The following CPNE4 variants were observed in gnomAD, a reference collection of about 807,000 sequenced individuals.
CPNE4 encodes the protein copine-4.
A neutral mutation model predicts 67.9 loss-of-function variants in CPNE4; 25 were observed. The observed-to-expected ratio is 0.37, with a 90% confidence interval of 0.27 to 0.51. The LOEUF is 0.51. Among genes scored for constraint, CPNE4 ranks in the 20% least tolerant of loss-of-function variants. The probability of loss-of-function intolerance (pLI) is 0.93; values close to 1 mark genes in which losing one functional copy is unlikely to be tolerated. For missense variants in CPNE4, 464 were observed against 690.8 expected (o/e 0.67, Z 3.68); for synonymous variants, 242 against 244.9 (o/e 0.99, Z 0.11).
chr3:131,756,237 A>G (rs1021084562), intron 2 of CPNE4, among the ~76,000 whole-genome samples: 1 of 152,244 alleles, frequency 6.6e-6, no homozygotes, highest in African/African-American at 2.4e-5. Flanking sequence ...ATTAACAGCT[A>G]GATACTTCAC....
At chr3:131,952,338 T>A in intron 1 of CPNE4, among the ~76,000 whole-genome samples, 1 of 149,012 alleles carries the variant, frequency 6.7e-6, no homozygotes, top group African/African-American at 2.5e-5. Context: ...AACCACCCCG[T>A]CTGAGAAGTG....
At chr3:131,703,888 T>C (rs192019921) in intron 3 of CPNE4, among the ~76,000 whole-genome samples, 1 of 152,292 alleles carries the variant, frequency 6.6e-6, no homozygotes, top group Admixed American at 6.5e-5. Flanking sequence ...CCCCAAAACA[T>C]GCATTATAGA....
At chr3:132,010,614 C>G (rs999744082) in intron 1 of CPNE4, among the ~76,000 whole-genome samples, 4 of 152,110 alleles carry the variant, frequency 2.6e-5, no homozygotes, top group African/African-American at 9.7e-5. Flanking sequence ...AGGCATAACC[C>G]CAGTGATGGC....
intron 2 of CPNE4, among the ~76,000 whole-genome samples, chr3:131,809,950 G>A (rs993213031): frequency 6.6e-6 from 1 of 151,880 alleles, no homozygotes; most frequent in Non-Finnish European, 1.5e-5. Context: ...GTCATGGAAA[G>A]GAAGAAAAGA....
At chr3:131,878,233 A>T (rs143158362) in intron 2 of CPNE4, among the ~76,000 whole-genome samples, 93 of 152,314 alleles carry the variant, frequency 6.1e-4, no homozygotes, top group African/African-American at 2.0e-3. Flanking sequence ...GTTCATCAGC[A>T]GTAGGATAGA....
chr3:131,786,656 T>G (rs1051650762), intron 2 of CPNE4, among the ~76,000 whole-genome samples: 14 of 152,260 alleles, frequency 9.2e-5, no homozygotes, highest in African/African-American at 3.1e-4. Context: ...GGTACATACA[T>G]ATTCTTGCCC....
chr3:132,028,397 CT>C (rs1345984640), intron 1 of CPNE4, among the ~76,000 whole-genome samples: 1 of 152,182 alleles, frequency 6.6e-6, no homozygotes, highest in East Asian at 1.9e-4. Context: ...ACCAGTCTGC[CT>C]GTGCCTCAAG....
chr3:132,015,955 A>G (rs2073880772), intron 1 of CPNE4, among the ~76,000 whole-genome samples: 1 of 152,260 alleles, frequency 6.6e-6, no homozygotes, highest in Non-Finnish European at 1.5e-5. Context: ...TTGAAACTAT[A>G]TGATTTGAAT....
intron 7 of CPNE4, among the ~76,000 whole-genome samples, chr3:131,588,050 T>C (rs903196031): frequency 1.3e-5 from 2 of 151,928 alleles, no homozygotes; most frequent in Non-Finnish European, 2.9e-5. Flanking sequence ...GCCATATTAA[T>C]CACATTTTTC....
chr3:131,998,787 T>C (rs1363273185), intron 1 of CPNE4, among the ~76,000 whole-genome samples: 1 of 152,142 alleles, frequency 6.6e-6, no homozygotes, highest in African/African-American at 2.4e-5. Flanking sequence ...CCTTATCCCA[T>C]GATTATTGAG....
chr3:131,810,793 T>C (rs1300949547), intron 2 of CPNE4, among the ~76,000 whole-genome samples: 1 of 152,052 alleles, frequency 6.6e-6, no homozygotes, highest in Non-Finnish European at 1.5e-5. Flanking sequence ...TAAACATTCA[T>C]GGATAGATGA....
chr3:131,912,293 C>G lies in CPNE4; in HGVS notation c.-1-6849G>C, dbSNP rs1005055261. 3.9e-5 allele frequency among the ~76,000 whole-genome samples: 6 copies of G among 152,184 alleles called. No individual in the cohort carries two copies. In the East Asian group the frequency reaches 1.2e-3, roughly 29 times the overall value. On this transcript the variant is annotated intron_variant, in intron 1 of 15. Coordinates refer to ENST00000429747, the MANE Select transcript of CPNE4 (RefSeq NM_130808.3). ...AATTAGTTTCTGAATGAGTTGCAAA[C>G]AACACAAAGACAATAGAGAACTCAA...
chr3:131,643,413 G>A (rs778922658), intron 7 of CPNE4, among the ~76,000 whole-genome samples: 1 of 152,180 alleles, frequency 6.6e-6, no homozygotes, highest in Non-Finnish European at 1.5e-5. Flanking sequence ...TTTGGATTGG[G>A]TGTATTTACC....
intron 4 of CPNE4, among the ~76,000 whole-genome samples, chr3:131,696,859 A>G (rs1014894811): frequency 6.6e-6 from 1 of 152,172 alleles, no homozygotes; most frequent in Non-Finnish European, 1.5e-5. Context: ...AAGAGATGGG[A>G]CCCAAGCTGA....
chr3:131,593,024 G>C (rs1045342632), intron 7 of CPNE4, among the ~76,000 whole-genome samples: 4 of 152,144 alleles, frequency 2.6e-5, no homozygotes, highest in African/African-American at 9.7e-5. Flanking sequence ...TTTTTGTGAT[G>C]GTCAGCTTCA....
chr3:131,549,516 C>T (rs760891534), intron 14 of CPNE4, among the ~76,000 whole-genome samples: 74 of 152,070 alleles, frequency 4.9e-4, no homozygotes, highest in African/African-American at 1.7e-3. Context: ...TGTGCTGCTG[C>T]GCTTTACCAC....
chr3:131,606,686 C>T (rs982415470), intron 7 of CPNE4, among the ~76,000 whole-genome samples: 6 of 152,230 alleles, frequency 3.9e-5, no homozygotes, highest in Admixed American at 6.5e-5. Context: ...TCAGTCTTGG[C>T]TCCACTGGGC....
At chr3:131,720,558 A>G (rs150646949) in intron 3 of CPNE4, among the ~76,000 whole-genome samples, 1 of 152,292 alleles carries the variant, frequency 6.6e-6, no homozygotes, top group East Asian at 1.9e-4. Flanking sequence ...TGCTGGGATT[A>G]CAGGCGTGAG....
At chr3:131,942,457 TGTGTGTGAGAGAGAGAGAGAGA>T (rs1169665178) in intron 1 of CPNE4, among the ~76,000 whole-genome samples, 8 of 60,980 alleles carry the variant, frequency 1.3e-4, no homozygotes, top group African/African-American at 4.5e-4. Flanking sequence ...TGTGTGTGTG[TGTGTGTGAGAGAGAGAGAGAGA>T]GAGAGAGAGA....
Sources: allele counts gnomAD v4.1 joint callset (sites outside exome capture counted in the v4.1 genomes callset), GRCh38; gene constraint gnomAD v4.1.1; transcripts MANE v1.5; gene names NCBI Gene and HGNC (gene_info 2026-07-23, HGNC 2026-07-21).